The following PHF2 variants were observed in gnomAD, a reference collection of about 807,000 sequenced individuals.
The protein encoded by PHF2 is lysine-specific demethylase PHF2.
A neutral mutation model predicts 120.5 loss-of-function variants in PHF2; 27 were observed. The observed-to-expected ratio is 0.22, with a 90% confidence interval of 0.17 to 0.31. The LOEUF (loss-of-function observed/expected upper bound fraction) is 0.31, where lower values mean the gene tolerates loss of function less well. PHF2 is among the 10% of genes least tolerant of loss of function. The pLI is 1.00. For missense variants in PHF2, 1,024 were observed against 1,434.8 expected, an observed-to-expected ratio of 0.71 and a Z score of 4.63; for synonymous variants, 568 against 592.5, an observed-to-expected ratio of 0.96 and a Z score of 0.60.
intron 19 of PHF2, 47 bp from the exon 20 acceptor site, chr9:93,675,633 C>A: frequency 6.8e-7 from 1 of 1,464,318 alleles, no homozygotes; most frequent in African/African-American, 1.4e-5. Flanking sequence ...GAGGGGTGGA[C>A]AGGCTGTGGC....
intron 4 of PHF2, among the ~76,000 whole-genome samples, chr9:93,648,296 G>GTGGT (rs1302552251): frequency 6.6e-6 from 1 of 152,218 alleles, no homozygotes; most frequent in African/African-American, 2.4e-5. Context: ...CTATAAACTC[G>GTGGT]TGGTTAGAGG....
chr9:93,659,944 C>T (rs529370801), intron 11 of PHF2, among the ~76,000 whole-genome samples: 79 of 152,316 alleles, frequency 5.2e-4, no homozygotes, highest in Non-Finnish European at 9.8e-4. Flanking sequence ...AGCCGCTGTG[C>T]TGGGGTAGGA....
chr9:93,616,129 T>A (rs72745490), intron 1 of PHF2, among the ~76,000 whole-genome samples: 16,592 of 152,250 alleles, frequency 0.11, 1,158 homozygotes, highest in Non-Finnish European at 0.16. Context: ...CATTGTTTAA[T>A]GGCTGTGTAA....
At chr9:93,667,353 T>A in intron 17 of PHF2, 113 bp downstream of exon 17, 2 of 1,307,952 alleles carry the variant, frequency 1.5e-6, no homozygotes, top group South Asian at 2.7e-5. Flanking sequence ...GAGCCAGTGC[T>A]GAGCCGCCCC....
At position 93,602,247 on chromosome 9, in the gene PHF2, C is replaced by CTTTTTTTTTTTTTTTTTTTTTT. The variant is rs67001312; in HGVS notation, c.98+25378_98+25399dup. Among the ~76,000 whole-genome samples the CTTTTTTTTTTTTTTTTTTTTTT allele has an allele frequency of 3.8e-5, 3 of 79,670 alleles. 1 individual carries two copies. Among genetic ancestry groups the CTTTTTTTTTTTTTTTTTTTTTT allele is most frequent in the Non-Finnish European group, 6.7e-5 (3 of 45,056 alleles). 52.3% of individuals were successfully genotyped at this position (79,670 alleles called of 152,430 possible). A position where few individuals can be genotyped will look rare whatever the true frequency, so the allele number is the denominator to read the frequency against. ...AAGTCATTTTGCATTCCTAGAGATT[C>CTTTTTTTTTTTTTTTTTTTTTT]TTTTTTTTTTTTTTTTTTTTTTTGA... is the stretch of plus-strand genomic sequence containing the variant. On this transcript the variant is annotated intron_variant, in intron 1 of 21. Coordinates refer to ENST00000359246, the MANE Select transcript of PHF2 (RefSeq NM_005392.4).
intron 6 of PHF2, among the ~76,000 whole-genome samples, chr9:93,653,691 G>T (rs944436445): frequency 3.3e-5 from 5 of 149,558 alleles, no homozygotes; most frequent in African/African-American, 1.2e-4. Context: ...GCCAGCCATA[G>T]CCAGGGCCCC....
chr9:93,618,383 ACG>A (rs912035135), intron 1 of PHF2, among the ~76,000 whole-genome samples: 1 of 152,266 alleles, frequency 6.6e-6, no homozygotes, highest in Non-Finnish European at 1.5e-5. Flanking sequence ...AGACATGGAC[ACG>A]CATACGCATG....
intron 17 of PHF2, among the ~76,000 whole-genome samples, chr9:93,670,723 T>C (rs1392264435): frequency 6.6e-6 from 1 of 152,186 alleles, no homozygotes; most frequent in African/African-American, 2.4e-5. Flanking sequence ...CACCACTCTG[T>C]GAGCCTAGAC....
chr9:93,631,273 T>C (rs1825998013), intron 2 of PHF2, among the ~76,000 whole-genome samples: 1 of 152,188 alleles, frequency 6.6e-6, no homozygotes, highest in East Asian at 1.9e-4. Context: ...GCTTTTCTCC[T>C]GTCTATTGCT....
intron 1 of PHF2, among the ~76,000 whole-genome samples, chr9:93,615,734 C>T (rs1383206171): frequency 2.6e-5 from 4 of 152,164 alleles, no homozygotes; most frequent in Admixed American, 2.0e-4. Context: ...CCTCTTCCCT[C>T]CTCCCCACAG....
intron 21 of PHF2, 29 bp downstream of exon 21, chr9:93,676,992 GC>G: frequency 4.0e-6 from 6 of 1,490,466 alleles, no homozygotes; most frequent in East Asian, 2.4e-5. Context: ...GGAGCCTGCA[GC>G]CCCCCTGCCC....
chr9:93,613,249 C>T (rs540472908), intron 1 of PHF2, among the ~76,000 whole-genome samples: 12 of 152,298 alleles, frequency 7.9e-5, no homozygotes, highest in Admixed American at 5.9e-4. Flanking sequence ...CCCTGAGAAG[C>T]GGGTTCAAGG....
At chr9:93,663,138 C>T in intron 13 of PHF2, 112 bp downstream of exon 13, 1 of 1,451,004 alleles carries the variant, frequency 6.9e-7, no homozygotes, top group East Asian at 2.4e-5. Flanking sequence ...CATGTGTCTG[C>T]TTGTCCTGAG....
intron 1 of PHF2, among the ~76,000 whole-genome samples, chr9:93,628,896 C>T (rs530464988): frequency 5.3e-4 from 81 of 152,198 alleles, no homozygotes; most frequent in Non-Finnish European, 9.7e-4. Flanking sequence ...CCCATTCTCA[C>T]GTCACTTTTT....
chr9:93,659,689 CAG>C (rs1233130447), intron 11 of PHF2, 89 bp downstream of exon 11: 1 of 1,191,948 alleles, frequency 8.4e-7, no homozygotes, highest in East Asian at 2.5e-5. Flanking sequence ...CAGCCTAACA[CAG>C]AGCTGCCAGG....
At chr9:93,648,948 C>A in intron 4 of PHF2, 123 bp from the exon 5 acceptor site, 1 of 1,103,822 alleles carries the variant, frequency 9.1e-7, no homozygotes, top group Non-Finnish European at 1.3e-6. Flanking sequence ...CCGCATCCAG[C>A]CCCTGGCAGC....
chr9:93,595,430 T>G (rs1431370272), intron 1 of PHF2, among the ~76,000 whole-genome samples: 2 of 152,238 alleles, frequency 1.3e-5, no homozygotes, highest in Non-Finnish European at 2.9e-5. Context: ...CAGTTGAATC[T>G]ACTTTAGGAA....
intron 1 of PHF2, among the ~76,000 whole-genome samples, chr9:93,598,600 C>T (rs149763700): frequency 6.6e-6 from 1 of 152,034 alleles, no homozygotes; most frequent in East Asian, 2.0e-4. Flanking sequence ...CTGTCAGCCC[C>T]CCACCCTCCT....
intron 14 of PHF2, 73 bp from the exon 15 acceptor site, chr9:93,665,613 C>A: frequency 6.6e-7 from 1 of 1,518,424 alleles, no homozygotes; most frequent in Non-Finnish European, 8.9e-7. Context: ...GCAGAGGACC[C>A]CTCGGGAGGT....
Sources: gnomAD v4.1 joint callset for allele counts (sites outside exome capture counted in the v4.1 genomes callset) on GRCh38, gnomAD v4.1.1 for gene constraint, MANE v1.5 for transcripts, NCBI Gene and HGNC (gene_info 2026-07-23, HGNC 2026-07-21) for gene names.